The following AHNAK2 variants were observed in gnomAD, a reference collection of about 807,000 sequenced individuals.
AHNAK2 encodes the protein AHNAK nucleoprotein 2, also known as protein AHNAK2.
In AHNAK2, 18 loss-of-function variants were observed where a neutral mutation model predicts 30.7. The observed-to-expected ratio is 0.59, with a 90% CI of 0.41 to 0.87. The LOEUF (loss-of-function observed/expected upper bound fraction) is 0.87, where lower values mean the gene tolerates loss of function less well. Ranked by LOEUF, AHNAK2 falls within the 40% of genes least tolerant of loss-of-function variation. AHNAK2 has a pLI of 0.00. For synonymous variants in AHNAK2, 3,590 were observed against 3,073.8 expected, an observed-to-expected ratio of 1.17 and a Z score of -5.56; for missense variants, 8,604 against 7,373.0, an observed-to-expected ratio of 1.17 and a Z score of -6.11.
chr14:104,938,033 C>T lies in AHNAK2; in HGVS notation c.*30G>A, dbSNP rs781046331. 6 of 1,580,514 alleles carry T rather than the reference C, an allele frequency of 3.8e-6. No individual in the cohort carries two copies. Among genetic ancestry groups the T allele is most frequent in the Admixed American group, 1.8e-5 (1 of 54,614 alleles). ...CTTTACTTTCCAACTTAGTTTTTTG[C>T]ATCTCTCTTGTACTGATGAGCCATA... On this transcript the variant is annotated 3_prime_UTR_variant, in exon 7 of 7. Coordinates refer to ENST00000333244, the MANE Select transcript of AHNAK2 (RefSeq NM_138420.4).
rs780021337 is a variant in AHNAK2, at chr14:104,949,323, G to A, written c.6128C>T (p.Ala2043Val). ...TTDLSIQPPS[A>V]DLKVQTGQVD... ...CTGGCCAGTCTGGACCTTCAGGTCGGCAGAAGGGGGCTGAATGCTGAGGTC... is the reference window on the plus strand; with the variant it reads ...CTGGCCAGTCTGGACCTTCAGGTCGACAGAAGGGGGCTGAATGCTGAGGTC... The change falls in exon 7 of 7, where the codon GCC (alanine) becomes GTC (valine). Residue 2043 changes from alanine to valine, a missense_variant. Physicochemically the swap from Ala to Val is moderately conservative, Grantham distance 64. Coordinates refer to ENST00000333244, the MANE Select transcript of AHNAK2 (RefSeq NM_138420.4). The A allele has an allele frequency of 1.2e-4, 163 of 1,365,316 alleles. 64 individuals are homozygous for A. The highest frequency in any genetic ancestry group is 1.6e-4 in the Non-Finnish European group (161 of 983,072). The allele number at this position is 1,365,316 out of a possible 1,614,324, so 84.6% of individuals were successfully genotyped here.
At chr14:104,977,969 G>A (rs1199829281) in intron 1 of AHNAK2, among the ~76,000 whole-genome samples, 1 of 152,124 alleles carries the variant, frequency 6.6e-6, no homozygotes, top group Non-Finnish European at 1.5e-5. Flanking sequence ...GAGAGGAGCA[G>A]GAACCTACAG....
rs970535245 is a variant in AHNAK2 at position 104,966,750 on chromosome 14, C to G, written c.56-9078G>C. Among the ~76,000 whole-genome samples the G allele has an allele frequency of 6.6e-6, 1 of 152,196 alleles. No homozygotes were observed. Among genetic ancestry groups the G allele is most frequent in the Non-Finnish European group, 1.5e-5 (1 of 68,020 alleles). ...GGAGCTGCCTGGAGCTCCAGCCACA[C>G]CAGACCCACAACAAATTCGTGGGAC... On this transcript the variant is annotated intron_variant, in intron 1 of 6. Transcript: ENST00000333244. The surrounding 1 kb of genome is among the most constrained non-coding windows in gnomAD (Gnocchi z 4.3).
Position 104,948,827 on chromosome 14 carries a change from G to C in AHNAK2, c.6624C>G (p.Ala2208=), listed in dbSNP as rs114745830. ...TTDLSIQPLS[A]DVKVQAGQVD... ...CCTGGCCAGCCTGGACCTTCACGTC[G>C]GCGGAAAGGGGCTGAATGCTGAGGT... The change falls in exon 7 of 7, where the codon GCC becomes GCG. Residue 2208 remains alanine, a synonymous_variant. Transcript: ENST00000333244. The C allele has an allele frequency of 1.2e-6, 2 of 1,606,770 alleles. No individual in the cohort carries two copies. The highest frequency in any genetic ancestry group is 3.4e-5 in the Admixed American group (2 of 59,318).
intron 1 of AHNAK2, among the ~76,000 whole-genome samples, chr14:104,968,680 G>T (rs1466704142): frequency 6.6e-6 from 1 of 152,230 alleles, no homozygotes; most frequent in African/African-American, 2.4e-5. Context: ...AGTCCCCAGG[G>T]CCCTGGGGGC....
Position 104,949,530 on chromosome 14 carries a change from A to T in AHNAK2, c.5921T>A (p.Leu1974Gln). 6.3e-7 allele frequency: 1 copy of T among 1,587,990 alleles called. No individual in the cohort carries two copies. Among genetic ancestry groups the T allele is most frequent in the Non-Finnish European group, 8.6e-7 (1 of 1,162,946 alleles). Residue 1974 changes from leucine (L) to glutamine (Q), a missense_variant, in exon 7 of 7, where the codon CTG (leucine) becomes CAG (glutamine). By Grantham distance (113) the Leu-to-Gln change is moderately radical. Coordinates refer to ENST00000333244, the MANE Select transcript of AHNAK2 (RefSeq NM_138420.4). ...KLDGARLEGD[L>Q]SLADKDMTAK... The stretch of plus-strand genomic sequence containing the variant: ...AGTCATGTCCTTGTCGGCCAGGGAC[A>T]GGTCTCCCTCCAGCCGCGCACCATC...
chr14:104,951,153 A>G lies in AHNAK2; in HGVS notation c.4298T>C (p.Ile1433Thr). Residue 1433 changes from isoleucine (I) to threonine (T), a missense_variant, in exon 7 of 7, where the codon ATC (isoleucine) becomes ACC (threonine). Physicochemically the swap from Ile to Thr is moderately conservative, Grantham distance 89. Coordinates refer to ENST00000333244, the MANE Select transcript of AHNAK2 (RefSeq NM_138420.4). ...KVDLKGPEID[I>T]KGPKLDLKDP... ...TTTTAGGTCCAGCTTGGGGCCCTTG[A>G]TGTCTATTTCAGGGCCCTTGAGGTC... 1 of 1,067,948 alleles carries G rather than the reference A, an allele frequency of 9.4e-7. No individual in the cohort carries two copies. The highest frequency in any genetic ancestry group is 1.5e-5 in the African/African-American group (1 of 68,308). The allele number at this position is 1,067,948 out of a possible 1,614,324, so 66.2% of individuals were successfully genotyped here. A position where few individuals can be genotyped will look rare whatever the true frequency, so the allele number is the denominator to read the frequency against.
Position 104,942,830 on chromosome 14 carries a change from G to A in AHNAK2, c.12621C>T (p.Pro4207=). The A allele has an allele frequency of 6.2e-7, 1 of 1,612,410 alleles. No individual in the cohort carries two copies. The highest frequency in any genetic ancestry group is 8.5e-7 in the Non-Finnish European group (1 of 1,179,394). The part of the protein sequence containing the change: ...VDVKLPEGPL[P]KGAGLKGHLP... ...GGTGCCCTTTGAGGCCGGCTCCCTT[G>A]GGCAGGGGGCCCTCCGGGAGTTTCA... Residue 4207 remains proline, a synonymous_variant, in exon 7 of 7, where the codon CCC becomes CCT. Transcript: ENST00000333244.
At position 104,950,459 on chromosome 14, in the gene AHNAK2, CTTGAACTTGGGCATT is replaced by C. The variant is rs1898623125; in HGVS notation, c.4977_4991del (p.Lys1662_Pro1666del). ...GGGCCGACACCCCAAATGATGGCAT[CTTGAACTTGGGCATT>C]TTGAACTTGCTGTCTTTGGCAGTCA... On this transcript the variant is annotated inframe_deletion, in exon 7 of 7. Transcript: ENST00000333244. 3.2e-6 allele frequency: 5 copies of C among 1,586,866 alleles called. No homozygotes were observed. In the Admixed American group the frequency reaches 8.7e-5, roughly 28 times the overall value.
chr14:104,972,209 C>T (rs915408140), intron 1 of AHNAK2, among the ~76,000 whole-genome samples: 1 of 152,236 alleles, frequency 6.6e-6, no homozygotes, highest in East Asian at 1.9e-4. Flanking sequence ...GGGCCTCCCC[C>T]CATTGCAATA....
At position 104,941,454 on chromosome 14, in the gene AHNAK2, G is replaced by A; in HGVS notation, c.13997C>T (p.Pro4666Leu). ...VTFHEKTSTF[P>L]IVESVVHEGD... ...TTCATGAACAACAGATTCCACAATG[G>A]GAAATGTGGAAGTCTTCTCATGGAA... Residue 4666 changes from proline to leucine, a missense_variant, in exon 7 of 7, where the codon CCC becomes CTC. Pro to Leu is a moderately conservative substitution (Grantham distance 98, BLOSUM62 -3). Transcript: ENST00000333244. 2 of 1,612,450 alleles carry A rather than the reference G, an allele frequency of 1.2e-6. No homozygotes were observed. The highest frequency in any genetic ancestry group is 2.7e-5 in the African/African-American group (2 of 75,044).
chr14:104,956,468 G>A (rs1477058958), intron 4 of AHNAK2, 120 bp downstream of exon 4: 4 of 979,358 alleles, frequency 4.1e-6, no homozygotes, highest in Middle Eastern at 2.2e-4. Context: ...TCCTCCCCAG[G>A]GCACGGGGCA....
intron 2 of AHNAK2, 48 bp downstream of exon 2, chr14:104,957,566 A>G (rs1417535452): frequency 6.3e-7 from 1 of 1,599,830 alleles, no homozygotes; most frequent in Non-Finnish European, 8.5e-7. Context: ...CCCAGGGAGA[A>G]TGGGGGCAGG....
In AHNAK2 at chr14:104,941,666, C is replaced by T. The variant is rs1156897536; in HGVS notation, c.13785G>A (p.Glu4595=). The change falls in exon 7 of 7, where the codon GAG becomes GAA. Residue 4595 remains glutamate (E), a synonymous_variant. Coordinates refer to ENST00000333244, the MANE Select transcript of AHNAK2 (RefSeq NM_138420.4). The part of the protein sequence containing the change: ...PDVEVSLPSV[E]TDVQAPGSML... ...TGGATCCTGGGGCCTGGACATCCGTCTCCACGCTGGGCAGAGACACCTCCA... is the reference window on the plus strand; with the variant it reads ...TGGATCCTGGGGCCTGGACATCCGTTTCCACGCTGGGCAGAGACACCTCCA... 1.2e-6 allele frequency: 2 copies of T among 1,613,670 alleles called. No homozygotes were observed. The highest frequency in any genetic ancestry group is 1.7e-5 in the Admixed American group (1 of 60,018).
chr14:104,965,630 G>T (rs542240749), intron 1 of AHNAK2, among the ~76,000 whole-genome samples: 2 of 152,270 alleles, frequency 1.3e-5, no homozygotes, highest in South Asian at 4.1e-4. Flanking sequence ...CCCCATCCCT[G>T]CCCCAGACCC....
Position 104,939,077 on chromosome 14 carries a change from G to A in AHNAK2, c.16374C>T (p.Pro5458=). Residue 5458 remains proline (P), a synonymous_variant, in exon 7 of 7, where the codon CCC becomes CCT. Transcript: ENST00000333244. Reference sequence around the variant, plus strand: ...TATGCACTCTGACCTTTGAAATTGGGGGAGCTTCCAAAGGCAGGTTAAGGT... The same window carrying A: ...TATGCACTCTGACCTTTGAAATTGGAGGAGCTTCCAAAGGCAGGTTAAGGT... ...PVDLNLPLEA[P]PISKVRVHIQ... 2 of 1,604,094 alleles carry A rather than the reference G, an allele frequency of 1.2e-6. No homozygotes were observed. The highest frequency in any genetic ancestry group is 1.7e-6 in the Non-Finnish European group (2 of 1,175,256).
At chr14:104,972,474 C>T (rs536887825) in intron 1 of AHNAK2, among the ~76,000 whole-genome samples, 2 of 152,288 alleles carry the variant, frequency 1.3e-5, no homozygotes, top group African/African-American at 2.4e-5. Context: ...AGAGCGGGGC[C>T]GTCATGCCAG....
intron 4 of AHNAK2, 128 bp from the exon 5 acceptor site, chr14:104,955,761 G>C (rs1165333613): frequency 7.8e-7 from 1 of 1,282,898 alleles, no homozygotes; most frequent in Non-Finnish European, 1.0e-6. Context: ...ACAACACAGA[G>C]CAGAGTAGGG....
chr14:104,954,012 GGTGGGCCAATCT>G lies in AHNAK2; in HGVS notation c.1427_1438del (p.Gln476_Pro479del). 1 of 1,613,748 alleles carries G rather than the reference GGTGGGCCAATCT, an allele frequency of 6.2e-7. No individual in the cohort carries two copies. Among genetic ancestry groups the G allele is most frequent in the Non-Finnish European group, 8.5e-7 (1 of 1,179,880 alleles). ...ATCGTGTACTCGCACCCTAATTTCT[GGTGGGCCAATCT>G]GTGTGCCTCCTTCGGTTGTGTCTCT... On this transcript the variant is annotated inframe_deletion, in exon 7 of 7. Coordinates refer to ENST00000333244, the MANE Select transcript of AHNAK2 (RefSeq NM_138420.4). This position sits in a 1 kb window ranked among gnomAD's most constrained non-coding sequence, Gnocchi z 4.3.
Sources: gnomAD v4.1 joint callset for allele counts (sites outside exome capture counted in the v4.1 genomes callset) on GRCh38, gnomAD v4.1.1 for gene constraint, Gnocchi (gnomAD v3.1) non-coding constraint, MANE v1.5 for transcripts, NCBI Gene and HGNC (gene_info 2026-07-23, HGNC 2026-07-21) for gene names.